The following EYA2 variants were observed in gnomAD, a reference collection of about 807,000 sequenced individuals.
EYA2 encodes EYA transcriptional coactivator and phosphatase 2, also known as protein phosphatase EYA2.
A neutral mutation model predicts 69.2 loss-of-function variants in EYA2; 31 were observed. The ratio of observed to expected loss-of-function variants is 0.45; its 90% CI spans 0.34 to 0.60. The LOEUF (loss-of-function observed/expected upper bound fraction) is 0.60, where lower values mean the gene tolerates loss of function less well. Among genes scored for constraint, EYA2 ranks in the 20% least tolerant of loss-of-function variants. EYA2 has a pLI of 0.02. For missense variants in EYA2, 622 were observed against 701.2 expected, an observed-to-expected ratio of 0.89 and a Z score of 1.28; for synonymous variants, 257 against 279.4, an observed-to-expected ratio of 0.92 and a Z score of 0.80.
intron 9 of EYA2, among the ~76,000 whole-genome samples, chr20:47,128,987 G>A (rs1248977245): frequency 6.6e-6 from 1 of 152,186 alleles, no homozygotes; most frequent in African/African-American, 2.4e-5. Flanking sequence ...AGCCGAGCAT[G>A]GTGGCATGTG....
chr20:47,016,155 T>C, intron 4 of EYA2, 26 bp from the exon 5 acceptor site: 5 of 1,509,456 alleles, frequency 3.3e-6, no homozygotes, highest in Non-Finnish European at 4.6e-6. Context: ...TCCTTGGTCC[T>C]TTTTTTTCCC....
At chr20:46,907,074 A>G (rs6066106) in intron 1 of EYA2, among the ~76,000 whole-genome samples, 36,983 of 152,184 alleles carry the variant, frequency 0.24, 5,959 homozygotes, top group Non-Finnish European at 0.35. Flanking sequence ...CATTGATGAC[A>G]TGAAAATAAC....
chr20:47,115,587 T>G lies in EYA2; in HGVS notation c.888+18419T>G, dbSNP rs183801188. Among the ~76,000 whole-genome samples, 390 of 152,042 alleles carry G rather than the reference T, an allele frequency of 2.6e-3. 3 individuals carry two copies. Among genetic ancestry groups the G allele is most frequent in the African/African-American group, 8.7e-3 (361 of 41,460 alleles). On this transcript the variant is annotated intron_variant, in intron 9 of 15. Coordinates refer to ENST00000327619, the MANE Select transcript of EYA2 (RefSeq NM_005244.5). ...ATCATTGCTGTGTCTGTCTCTTGAA[T>G]CCCATCCCCTTCTCTCCAGCTCCCC... is the stretch of plus-strand genomic sequence containing the variant.
rs185673991 is a variant in EYA2 at position 46,947,763 on chromosome 20, G to T, written c.-10-42238G>T. On this transcript the variant is annotated intron_variant, in intron 1 of 15. Transcript: ENST00000327619. ...CCATAACTTTCAATAGAGTGAAGAA[G>T]TGCAGCCCTACTGTGGACCCAGAAG... Among the ~76,000 whole-genome samples, 4 of 152,146 alleles carry T rather than the reference G, an allele frequency of 2.6e-5. No individual in the cohort carries two copies. The East Asian group carries it at 7.7e-4, about 29-fold the overall frequency.
Position 47,183,373 on chromosome 20 carries a change from G to A in EYA2, c.1518G>A (p.Glu506=). Reference sequence around the variant, plus strand: ...TGGTGATCGGTGATGGTGTGGAAGAGGAGCAAGGAGCGAAAAAGGTACTTC... The same window carrying A: ...TGGTGATCGGTGATGGTGTGGAAGAAGAGCAAGGAGCGAAAAAGGTACTTC... ...VYVVIGDGVE[E]EQGAKKHNMP... Residue 506 remains glutamate (E), a synonymous_variant, in exon 15 of 16, where the codon GAG becomes GAA. Coordinates refer to ENST00000327619, the MANE Select transcript of EYA2 (RefSeq NM_005244.5). 6.2e-7 allele frequency: 1 copy of A among 1,614,080 alleles called. No individual in the cohort carries two copies. Among genetic ancestry groups the A allele is most frequent in the Non-Finnish European group, 8.5e-7 (1 of 1,179,992 alleles).
chr20:46,993,293 C>T (rs1371277257), intron 2 of EYA2, among the ~76,000 whole-genome samples: 1 of 152,222 alleles, frequency 6.6e-6, no homozygotes, highest in Non-Finnish European at 1.5e-5. Context: ...GGCCACCAGG[C>T]CCCACTTGTC....
At chr20:47,114,248 G>C (rs774855000) in intron 9 of EYA2, among the ~76,000 whole-genome samples, 4 of 152,204 alleles carry the variant, frequency 2.6e-5, no homozygotes, top group Admixed American at 6.5e-5. Flanking sequence ...CTCTGGAAAA[G>C]GTCTTTCACA....
At chr20:47,185,891 G>A (rs1255868858) in intron 15 of EYA2, among the ~76,000 whole-genome samples, 1 of 151,810 alleles carries the variant, frequency 6.6e-6, no homozygotes, top group Non-Finnish European at 1.5e-5. Context: ...TTCCTTCTAC[G>A]AATATTTCTT....
chr20:47,172,690 C>T lies in EYA2; in HGVS notation c.1038-17C>T. On this transcript the variant is annotated splice_polypyrimidine_tract_variant and intron_variant, in intron 11 of 15. Transcript: ENST00000327619. ...CCCCCCTGCACTAACACTGTCCCTC[C>T]CCTCCTCTCTCCGCAGCACATACAA... is the stretch of plus-strand genomic sequence containing the variant. The T allele has an allele frequency of 2.5e-6, 4 of 1,598,164 alleles. No homozygotes were observed. Among genetic ancestry groups the T allele is most frequent in the Non-Finnish European group, 1.7e-6 (2 of 1,171,764 alleles).
chr20:46,973,799 A>T (rs1026341795), intron 1 of EYA2, among the ~76,000 whole-genome samples: 2 of 104,908 alleles, frequency 1.9e-5, no homozygotes, highest in African/African-American at 5.4e-5. Flanking sequence ...GAGAAGGAGG[A>T]AAAAAAAAAA....
chr20:46,967,846 G>A (rs1323093497), intron 1 of EYA2, among the ~76,000 whole-genome samples: 1 of 152,200 alleles, frequency 6.6e-6, no homozygotes, highest in South Asian at 2.1e-4. Flanking sequence ...GCTTGACCTT[G>A]TGTATTGGAG....
At chr20:47,015,296 C>G (rs941829970) in intron 4 of EYA2, among the ~76,000 whole-genome samples, 7 of 152,182 alleles carry the variant, frequency 4.6e-5, no homozygotes, top group Non-Finnish European at 8.8e-5. Context: ...GATGGTTAGC[C>G]TCTCCTCCTC....
intron 9 of EYA2, among the ~76,000 whole-genome samples, chr20:47,098,109 G>A (rs1379687691): frequency 3.9e-5 from 6 of 152,342 alleles, no homozygotes; most frequent in Non-Finnish European, 7.3e-5. Context: ...TAGCAAGATA[G>A]ATTTATCGTC....
chr20:47,020,730 T>C (rs4810585), intron 5 of EYA2, among the ~76,000 whole-genome samples: 37,663 of 152,128 alleles, frequency 0.25, 4,872 homozygotes, highest in South Asian at 0.31. Flanking sequence ...GCACATGGAC[T>C]TCTCTGTGCC....
intron 5 of EYA2, among the ~76,000 whole-genome samples, chr20:47,057,638 C>T (rs978020767): frequency 1.3e-5 from 2 of 151,988 alleles, no homozygotes; most frequent in African/African-American, 4.8e-5. Context: ...TTTGAGGTGT[C>T]ACTGTGGAAC....
intron 9 of EYA2, among the ~76,000 whole-genome samples, chr20:47,107,593 C>T (rs987587240): frequency 2.7e-5 from 4 of 150,736 alleles, no homozygotes; most frequent in African/African-American, 9.8e-5. Context: ...GTAATCCCAG[C>T]ACTTTGGGAG....
At chr20:47,130,440 T>C (rs1161864544) in intron 9 of EYA2, among the ~76,000 whole-genome samples, 2 of 151,610 alleles carry the variant, frequency 1.3e-5, no homozygotes, top group Non-Finnish European at 2.9e-5. Flanking sequence ...AATTTTTTTG[T>C]ATTTTTAGTA....
chr20:46,976,812 T>C (rs867622411), intron 1 of EYA2, among the ~76,000 whole-genome samples: 4 of 151,808 alleles, frequency 2.6e-5, no homozygotes, highest in African/African-American at 7.3e-5. Context: ...TGCAAACGGG[T>C]TTTTCAGTTT....
At chr20:47,029,190 G>T (rs1984265935) in intron 5 of EYA2, among the ~76,000 whole-genome samples, 1 of 152,184 alleles carries the variant, frequency 6.6e-6, no homozygotes, top group Non-Finnish European at 1.5e-5. Context: ...TCAGGACAGG[G>T]TGTAAGAAGG....
Sources: allele counts gnomAD v4.1 joint callset (sites outside exome capture counted in the v4.1 genomes callset), GRCh38; gene constraint gnomAD v4.1.1; transcripts MANE v1.5; gene names NCBI Gene and HGNC (gene_info 2026-07-23, HGNC 2026-07-21).